Variants in CFAP46 observed in about 807,000 individuals in gnomAD.
CFAP46 encodes cilia and flagella associated protein 46, also known as cilia- and flagella-associated protein 46.
Under a neutral mutation model 325.7 loss-of-function variants are expected in CFAP46, and 245 were observed. The ratio of observed to expected loss-of-function variants is 0.75; its 90% CI spans 0.68 to 0.84. The LOEUF (loss-of-function observed/expected upper bound fraction) is 0.84. CFAP46 is among the 40% of genes least tolerant of loss of function. The probability of loss-of-function intolerance (pLI) is 0.00; values close to 1 mark genes in which losing one functional copy is unlikely to be tolerated. For synonymous variants in CFAP46, 1,523 were observed against 1,495.9 expected (o/e 1.02, Z -0.42); for missense variants, 3,346 against 3,543.0 (o/e 0.94, Z 1.41).
rs1196071155 is a variant in CFAP46, at chr10:132,889,108, C to T, written c.3305-3149G>A. ...CCCAAGGAAAGACAAACCCCTTTCT[C>T]CCAGCGCCCTCCCCCAGCACTCTGC... On this transcript the variant is annotated intron_variant, in intron 25 of 57. Coordinates refer to ENST00000368586, the MANE Select transcript of CFAP46 (RefSeq NM_001200049.3). The surrounding 1 kb of genome is among the most constrained non-coding windows in gnomAD (Gnocchi z 6.0). Among the ~76,000 whole-genome samples, 2 of 152,206 alleles carry T rather than the reference C, an allele frequency of 1.3e-5. No homozygotes were observed. Among genetic ancestry groups the T allele is most frequent in the African/African-American group, 4.8e-5 (2 of 41,456 alleles).
At position 132,899,606 on chromosome 10, in the gene CFAP46, G is replaced by A. The variant is rs1007524501; in HGVS notation, c.2985C>T (p.Ser995=). 6.5e-7 allele frequency: 1 copy of A among 1,550,068 alleles called. No homozygotes were observed. The highest frequency in any genetic ancestry group is 1.4e-5 in the African/African-American group (1 of 73,052). ...TCCGGCCCTTCAGGTTTTCCATGAT[G>A]CTCCTGCCCTGGATGGCCGTGGCTG... ...LCTATAIQGR[S]IMENLKGRKQ... Residue 995 remains serine, a synonymous_variant, in exon 23 of 58, where the codon AGC becomes AGT. Transcript: ENST00000368586.
At chr10:132,851,507 C>T (rs1848544788) in intron 39 of CFAP46, among the ~76,000 whole-genome samples, 1 of 152,218 alleles carries the variant, frequency 6.6e-6, no homozygotes, top group Non-Finnish European at 1.5e-5. Flanking sequence ...AGCCCTTATC[C>T]CCAAATCTCT....
At position 132,836,140 on chromosome 10, in the gene CFAP46, A is replaced by G; in HGVS notation, c.6613+2T>C. 4 of 1,580,378 alleles carry G rather than the reference A, an allele frequency of 2.5e-6. No individual in the cohort carries two copies. The highest frequency in any genetic ancestry group is 3.4e-6 in the Non-Finnish European group (4 of 1,168,626). ...CTCCCCCTCCCCTGCAGCCCTGCTCACCTCCCACCGCCTGCACCTTTCCTT... is the reference window on the plus strand; with the variant it reads ...CTCCCCCTCCCCTGCAGCCCTGCTCGCCTCCCACCGCCTGCACCTTTCCTT... On this transcript the variant is annotated splice_donor_variant, in intron 46 of 57. Transcript: ENST00000368586. LOFTEE classifies it high-confidence loss of function.
At chr10:132,905,112 T>TC (rs1849438593) in intron 22 of CFAP46, among the ~76,000 whole-genome samples, 1 of 152,098 alleles carries the variant, frequency 6.6e-6, no homozygotes, top group East Asian at 1.9e-4. Context: ...CGCTTTTCCT[T>TC]CACTTTTGTA....
At chr10:132,885,433 CGCGGGGGTCTCGGGGGTGA>C in intron 26 of CFAP46, 147 bp from the exon 27 acceptor site, 1 of 686,280 alleles carries the variant, frequency 1.5e-6, no homozygotes, top group Non-Finnish European at 2.3e-6. Flanking sequence ...CTCGGGGCTA[CGCGGGGGTCTCGGGGGTGA>C]GCGGGGGCCT....
At chr10:132,811,794 A>AG (rs1847586160) in intron 55 of CFAP46, among the ~76,000 whole-genome samples, 1 of 152,228 alleles carries the variant, frequency 6.6e-6, no homozygotes, top group African/African-American at 2.4e-5. Context: ...CTGATGGCCA[A>AG]GGCCCAGGCT....
chr10:132,885,367 T>C, intron 26 of CFAP46, 81 bp from the exon 27 acceptor site: 1 of 1,298,466 alleles, frequency 7.7e-7, no homozygotes, highest in Non-Finnish European at 1.0e-6. Flanking sequence ...CCGGACTTAT[T>C]CCTCCACCTC....
chr10:132,810,526 C>T lies in CFAP46; in HGVS notation c.7584-37G>A. The T allele has an allele frequency of 1.9e-6, 3 of 1,582,816 alleles. No individual in the cohort carries two copies. In the South Asian group the frequency reaches 3.3e-5, roughly 17 times the overall value. Reference sequence around the variant, plus strand: ...ACGTCCCCTCAGGAGGGCATGGACACCCTGGCAGCCTTGCTGAAGGGTTGC... The same window carrying T: ...ACGTCCCCTCAGGAGGGCATGGACATCCTGGCAGCCTTGCTGAAGGGTTGC... On this transcript the variant is annotated intron_variant, in intron 56 of 57. Coordinates refer to ENST00000368586, the MANE Select transcript of CFAP46 (RefSeq NM_001200049.3).
chr10:132,814,362 G>A, intron 53 of CFAP46, 108 bp from the exon 54 acceptor site: 1 of 1,068,824 alleles, frequency 9.4e-7, no homozygotes, highest in Non-Finnish European at 1.4e-6. Flanking sequence ...GCATATATCA[G>A]TGCCCTGCCA....
chr10:132,919,529 A>G lies in CFAP46; in HGVS notation c.1731-87T>C. On this transcript the variant is annotated intron_variant, in intron 14 of 57. Coordinates refer to ENST00000368586, the MANE Select transcript of CFAP46 (RefSeq NM_001200049.3). This position sits in a 1 kb window ranked among gnomAD's most constrained non-coding sequence, Gnocchi z 9.7. ...AAAACACCTGGGCTGGCTGCCTGAGAAAAGGCCACTGTGGCTCTGCAGTTT... is the reference window on the plus strand; with the variant it reads ...AAAACACCTGGGCTGGCTGCCTGAGGAAAGGCCACTGTGGCTCTGCAGTTT... The G allele has an allele frequency of 4.1e-6, 6 of 1,462,830 alleles. No homozygotes were observed. The East Asian group carries it at 1.0e-4, about 24-fold the overall frequency. 90.6% of individuals were successfully genotyped at this position (1,462,830 alleles called of 1,614,324 possible).
At chr10:132,932,934 T>C (rs1018327132) in intron 8 of CFAP46, among the ~76,000 whole-genome samples, 2 of 152,252 alleles carry the variant, frequency 1.3e-5, no homozygotes, top group African/African-American at 4.8e-5. Flanking sequence ...CTGTCCATTG[T>C]GTCCCTGCAG....
chr10:132,827,205 C>T lies in CFAP46; in HGVS notation c.7117+6153G>A, dbSNP rs1215892258. On this transcript the variant is annotated intron_variant, in intron 50 of 57. Coordinates refer to ENST00000368586, the MANE Select transcript of CFAP46 (RefSeq NM_001200049.3). This position sits in a 1 kb window ranked among gnomAD's most constrained non-coding sequence, Gnocchi z 5.7. ...GGCAGACACAACCCCACACGGTGCTCGTCAGGGGAAGGCAGGAGGGCGGCC... is the reference window on the plus strand; with the variant it reads ...GGCAGACACAACCCCACACGGTGCTTGTCAGGGGAAGGCAGGAGGGCGGCC... 2.0e-5 allele frequency among the ~76,000 whole-genome samples: 3 copies of T among 152,030 alleles called. No individual in the cohort carries two copies. The highest frequency in any genetic ancestry group is 4.4e-5 in the Non-Finnish European group (3 of 68,008).
intron 50 of CFAP46, among the ~76,000 whole-genome samples, chr10:132,815,321 G>A (rs536939212): frequency 4.3e-4 from 66 of 152,330 alleles, no homozygotes; most frequent in Non-Finnish European, 4.0e-4. Context: ...GCCTGGGAAG[G>A]ATGGCCACTT....
chr10:132,871,256 A>G lies in CFAP46; in HGVS notation c.4511+1420T>C, dbSNP rs147186866. On this transcript the variant is annotated intron_variant, in intron 32 of 57. Transcript: ENST00000368586. ...GCCACCCAAGAGTGCTCACGGAGAC[A>G]TACAAGGAGACGAATGCCTTCTCCG... 9.8e-3 allele frequency among the ~76,000 whole-genome samples: 1,499 copies of G among 152,386 alleles called. 15 individuals carry two copies. Among genetic ancestry groups the G allele is most frequent in the South Asian group, 0.043 (210 of 4,830 alleles).
intron 17 of CFAP46, among the ~76,000 whole-genome samples, chr10:132,914,065 G>C (rs546542707): frequency 2.1e-5 from 3 of 145,906 alleles, no homozygotes; most frequent in African/African-American, 7.7e-5. Flanking sequence ...ACCCCGGCCC[G>C]AGGCTGTGTC....
chr10:132,902,669 C>T (rs1023226777), intron 22 of CFAP46, among the ~76,000 whole-genome samples: 1 of 152,226 alleles, frequency 6.6e-6, no homozygotes, highest in African/African-American at 2.4e-5. Context: ...TTATGAGCCA[C>T]ATTTTCTTGC....
chr10:132,880,118 A>ATGTGTGTGTG (rs142292189), intron 28 of CFAP46, among the ~76,000 whole-genome samples: 250 of 150,640 alleles, frequency 1.7e-3, no homozygotes, highest in African/African-American at 5.2e-3. Context: ...GTGTGCATGT[A>ATGTGTGTGTG]TGTGTGTGTG....
intron 44 of CFAP46, among the ~76,000 whole-genome samples, chr10:132,845,028 G>T (rs139108578): frequency 1.3e-5 from 2 of 152,240 alleles, no homozygotes; most frequent in African/African-American, 4.8e-5. Flanking sequence ...TTAGGCCACA[G>T]GCACCCCCCT....
intron 32 of CFAP46, chr10:132,872,416 G>C: frequency 4.7e-6 from 2 of 429,262 alleles, no homozygotes; most frequent in South Asian, 4.2e-5. Flanking sequence ...ACCATACCTG[G>C]CTAATATATT....
Sources: allele counts gnomAD v4.1 joint callset (sites outside exome capture counted in the v4.1 genomes callset), GRCh38; gene constraint gnomAD v4.1.1; non-coding constraint Gnocchi (gnomAD v3.1); transcripts MANE v1.5; gene names NCBI Gene and HGNC (gene_info 2026-07-23, HGNC 2026-07-21).